UBE2G2: variants seen among roughly 807,000 people sequenced by gnomAD.
The protein encoded by UBE2G2 is ubiquitin-conjugating enzyme E2 G2.
UBE2G2 carries 10 observed loss-of-function variants against 23.0 expected under a neutral mutation model. The observed-to-expected ratio is 0.43, with a 90% CI of 0.27 to 0.74. The LOEUF (loss-of-function observed/expected upper bound fraction) is 0.74, where lower values mean the gene tolerates loss of function less well. UBE2G2 is among the 30% of genes least tolerant of loss of function. UBE2G2 has a pLI of 0.19. For synonymous variants in UBE2G2, 86 were observed against 81.3 expected (o/e 1.06, Z -0.31); for missense variants, 150 against 218.3 (o/e 0.69, Z 1.97).
chr21:44,787,994 T>C, intron 2 of UBE2G2, 29 bp from the exon 3 acceptor site: 1 of 1,611,128 alleles, frequency 6.2e-7, no homozygotes, highest in Non-Finnish European at 8.5e-7. Context: ...TTTCACAACA[T>C]TTTAACTTTG....
chr21:44,788,760 G>C (rs2083020452), intron 1 of UBE2G2, among the ~76,000 whole-genome samples: 1 of 150,338 alleles, frequency 6.7e-6, no homozygotes. Flanking sequence ...GAGTCCAGTG[G>C]GCAACCAGAG....
chr21:44,798,487 C>A (rs1387229128), intron 1 of UBE2G2, among the ~76,000 whole-genome samples: 1 of 152,222 alleles, frequency 6.6e-6, no homozygotes, highest in African/African-American at 2.4e-5. Flanking sequence ...ACCCTCAAAC[C>A]CTGCGGCTGC....
chr21:44,795,271 TA>T (rs879951622), intron 1 of UBE2G2, among the ~76,000 whole-genome samples: 6 of 149,806 alleles, frequency 4.0e-5, no homozygotes, highest in East Asian at 4.0e-4. Context: ...AAATAAAAAA[TA>T]AAAAAAAATA....
chr21:44,777,424 G>A lies in UBE2G2; in HGVS notation c.126-7C>T, dbSNP rs782392027. ...GCAGGTGTCTTCTGGGCCCCTAGAA[G>A]ATATAAAATACGTAGACTGAACTTC... On this transcript the variant is annotated splice_region_variant and splice_polypyrimidine_tract_variant and intron_variant, in intron 3 of 5. Coordinates refer to ENST00000345496, the MANE Select transcript of UBE2G2 (RefSeq NM_003343.6). The A allele has an allele frequency of 1.2e-6, 2 of 1,613,038 alleles. No homozygotes were observed. The highest frequency in any genetic ancestry group is 8.5e-7 in the Non-Finnish European group (1 of 1,179,080).
intron 1 of UBE2G2, among the ~76,000 whole-genome samples, chr21:44,788,774 G>A (rs568982598): frequency 2.0e-4 from 30 of 150,454 alleles, no homozygotes; most frequent in Non-Finnish European, 4.3e-4. Context: ...ACCAGAGTGA[G>A]ACTGGGGAAA....
chr21:44,773,479 C>T (rs1405092918), intron 5 of UBE2G2, 68 bp downstream of exon 5: 41 of 1,532,956 alleles, frequency 2.7e-5, no homozygotes, highest in East Asian at 9.2e-5. Context: ...GACAGGATGA[C>T]GCAAGGCTGG....
chr21:44,797,803 CAG>C (rs2083105695), intron 1 of UBE2G2, among the ~76,000 whole-genome samples: 1 of 146,582 alleles, frequency 6.8e-6, no homozygotes, highest in African/African-American at 2.5e-5. Context: ...AAAACTAAAA[CAG>C]AGACACAAAC....
chr21:44,771,129 A>C lies in UBE2G2; in HGVS notation c.*248T>G. 2.1e-6 allele frequency: 1 copy of C among 470,276 alleles called. No individual in the cohort carries two copies. The highest frequency in any genetic ancestry group is 3.8e-6 in the Non-Finnish European group (1 of 263,232). 29.1% of individuals were successfully genotyped at this position (470,276 alleles called of 1,614,324 possible). A position where few individuals can be genotyped will look rare whatever the true frequency, so the allele number is the denominator to read the frequency against. On this transcript the variant is annotated 3_prime_UTR_variant, in exon 6 of 6. Transcript: ENST00000345496. This position sits in a 1 kb window ranked among gnomAD's most constrained non-coding sequence, Gnocchi z 4.6. ...GAGAGGTAGTGCTGACAGCTCTGAT[A>C]ATCTACCTGAAGCCCTTTGTGAGGA...
intron 1 of UBE2G2, among the ~76,000 whole-genome samples, chr21:44,792,467 GT>G (rs2083053180): frequency 6.6e-6 from 1 of 152,100 alleles, no homozygotes; most frequent in Admixed American, 6.5e-5. Flanking sequence ...AGACATGATG[GT>G]TCTATAAGTG....
chr21:44,782,263 A>G (rs1555961430), intron 3 of UBE2G2, among the ~76,000 whole-genome samples: 1 of 152,212 alleles, frequency 6.6e-6, no homozygotes, highest in African/African-American at 2.4e-5. Flanking sequence ...CTGGATTTCT[A>G]AAAATTCAAA....
At chr21:44,790,470 A>G (rs1285061037) in intron 1 of UBE2G2, among the ~76,000 whole-genome samples, 1 of 152,226 alleles carries the variant, frequency 6.6e-6, no homozygotes, top group Non-Finnish European at 1.5e-5. Context: ...CACAAATTTC[A>G]TCTTGAATTG....
rs528428476 is a variant in UBE2G2 at position 44,799,370 on chromosome 21, G to A, written c.43+2336C>T. Among the ~76,000 whole-genome samples the A allele has an allele frequency of 7.2e-5, 11 of 152,280 alleles. No individual in the cohort carries two copies. In the South Asian group the frequency reaches 1.4e-3, roughly 20 times the overall value. On this transcript the variant is annotated intron_variant, in intron 1 of 5. Coordinates refer to ENST00000345496, the MANE Select transcript of UBE2G2 (RefSeq NM_003343.6). Reference sequence around the variant, plus strand: ...TATGGCATCATCTCCTCCCAATACCGTATAAGGCTATTTTACGTACCTTGT... The same window carrying A: ...TATGGCATCATCTCCTCCCAATACCATATAAGGCTATTTTACGTACCTTGT...
At chr21:44,777,549 TG>T in intron 3 of UBE2G2, 132 bp from the exon 4 acceptor site, 1 of 835,106 alleles carries the variant, frequency 1.2e-6, no homozygotes, top group Non-Finnish European at 2.0e-6. Flanking sequence ...GGCTCACGCC[TG>T]TAATCCCAGC....
intron 1 of UBE2G2, among the ~76,000 whole-genome samples, chr21:44,788,914 A>G (rs1555962535): frequency 6.6e-6 from 1 of 152,142 alleles, no homozygotes; most frequent in Non-Finnish European, 1.5e-5. Flanking sequence ...AAAAAGAAAT[A>G]AAACTCATTA....
At chr21:44,801,556 G>T in intron 1 of UBE2G2, 150 bp downstream of exon 1, 2 of 1,183,036 alleles carry the variant, frequency 1.7e-6, no homozygotes, top group East Asian at 3.2e-5. Flanking sequence ...GGCGCAGGGC[G>T]CGGCACTCCG....
In UBE2G2 at chr21:44,771,861, A is replaced by C. The variant is rs2082877510; in HGVS notation, c.386-372T>G. ...ACGGGGACCACCTGCTGCTTATTTCACCTTTCTCAAGACACTCTGCAGTGT... is the reference window on the plus strand; with the variant it reads ...ACGGGGACCACCTGCTGCTTATTTCCCCTTTCTCAAGACACTCTGCAGTGT... On this transcript the variant is annotated intron_variant, in intron 5 of 5. Coordinates refer to ENST00000345496, the MANE Select transcript of UBE2G2 (RefSeq NM_003343.6). The surrounding 1 kb of genome is among the most constrained non-coding windows in gnomAD (Gnocchi z 4.6). 6.6e-6 allele frequency among the ~76,000 whole-genome samples: 1 copy of C among 151,974 alleles called. No individual in the cohort carries two copies. The highest frequency in any genetic ancestry group is 2.1e-4 in the South Asian group (1 of 4,798).
Position 44,769,998 on chromosome 21 carries a change from GC to G in UBE2G2, c.*1378del, listed in dbSNP as rs1555959617. On this transcript the variant is annotated 3_prime_UTR_variant, in exon 6 of 6. Transcript: ENST00000345496. ...CCTCCTGGCCTGTGCTGCTCAGCTG[GC>G]CCTGTTAGAGAACATGGGAACCACA... The G allele has an allele frequency of 2.0e-5, 3 of 152,220 alleles. No homozygotes were observed. The highest frequency in any genetic ancestry group is 2.9e-5 in the Non-Finnish European group (2 of 68,050). The allele number at this position is 152,220 out of a possible 1,614,324, so 9.4% of individuals were successfully genotyped here.
At chr21:44,773,838 G>T in intron 4 of UBE2G2, 151 bp from the exon 5 acceptor site, 1 of 1,074,874 alleles carries the variant, frequency 9.3e-7, no homozygotes, top group Non-Finnish European at 1.3e-6. Flanking sequence ...GGCCCTGAGT[G>T]TCACGCTTCA....
intron 3 of UBE2G2, among the ~76,000 whole-genome samples, chr21:44,781,144 T>C (rs2082953088): frequency 6.6e-6 from 1 of 152,222 alleles, no homozygotes; most frequent in African/African-American, 2.4e-5. Context: ...TGCAAACTCA[T>C]CCATCAGTAT....
Sources: allele counts gnomAD v4.1 joint callset (sites outside exome capture counted in the v4.1 genomes callset), GRCh38; gene constraint gnomAD v4.1.1; non-coding constraint Gnocchi (gnomAD v3.1); transcripts MANE v1.5; gene names NCBI Gene and HGNC (gene_info 2026-07-23, HGNC 2026-07-21).